Variants in PUS7L observed in about 807,000 individuals in gnomAD.
PUS7L encodes the protein pseudouridine synthase 7 like, also known as pseudouridylate synthase PUS7L.
Under a neutral mutation model 51.1 loss-of-function variants are expected in PUS7L, and 49 were observed. The ratio of observed to expected loss-of-function variants is 0.96; its 90% CI spans 0.76 to 1.22. The LOEUF is 1.22. Ranked by LOEUF, PUS7L falls within the 50% of genes most tolerant of loss-of-function variation. PUS7L has a pLI of 0.00. For synonymous variants in PUS7L, 277 were observed against 276.2 expected (o/e 1.00, Z -0.03); for missense variants, 828 against 820.6 (o/e 1.01, Z -0.11).
At chr12:43,735,244 G>T (rs1944658502) in intron 7 of PUS7L, among the ~76,000 whole-genome samples, 1 of 151,982 alleles carries the variant, frequency 6.6e-6, no homozygotes, top group Non-Finnish European at 1.5e-5. Flanking sequence ...GTGAACCCGG[G>T]AGGCAGAGCT....
chr12:43,755,086 T>C lies in PUS7L; in HGVS notation c.160A>G (p.Ile54Val), dbSNP rs370773456. Residue 54 changes from isoleucine (I) to valine (V), a missense_variant, in exon 2 of 9, where the codon ATT becomes GTT. Physicochemically the swap from Ile to Val is conservative, Grantham distance 29. Coordinates refer to ENST00000344862, the MANE Select transcript of PUS7L (RefSeq NM_031292.5). ...QLVNKTIDEP[I>V]FKISEIQLEP... ...AGTTGTATTTCACTAATCTTGAAAA[T>C]AGGCTCATCGATGGTCTTATTAACT... 53 of 1,613,738 alleles carry C rather than the reference T, an allele frequency of 3.3e-5. No homozygotes were observed. The highest frequency in any genetic ancestry group is 2.7e-4 in the East Asian group (12 of 44,812).
At chr12:43,753,898 A>C (rs1938569967) in intron 2 of PUS7L, among the ~76,000 whole-genome samples, 1 of 152,154 alleles carries the variant, frequency 6.6e-6, no homozygotes, top group Non-Finnish European at 1.5e-5. Context: ...AGGGAAATAT[A>C]ATTTGTTTTG....
At chr12:43,757,484 C>T (rs574225286) in intron 1 of PUS7L, among the ~76,000 whole-genome samples, 1 of 149,664 alleles carries the variant, frequency 6.7e-6, no homozygotes, top group Admixed American at 6.7e-5. Context: ...GATTCTCTTT[C>T]ACAAAACCCT....
At chr12:43,758,590 G>C (rs1486061970) in intron 1 of PUS7L, 140 bp downstream of exon 1, 2 of 979,488 alleles carry the variant, frequency 2.0e-6, no homozygotes, top group Admixed American at 6.6e-5. Context: ...CCAAAGGCAC[G>C]ACACTAGTCC....
At position 43,720,954 on chromosome 12, in the gene PUS7L, G is replaced by T. The variant is rs570076058; in HGVS notation, c.*9422C>A. On this transcript the variant is annotated 3_prime_UTR_variant, in exon 9 of 9. Transcript: ENST00000344862. The stretch of plus-strand genomic sequence containing the variant: ...CATCTATAAAATGAAAATAATAACA[G>T]TACTTATCCCACATGTAAGTACTTG... 186 of 152,178 alleles carry T rather than the reference G, an allele frequency of 1.2e-3. 1 individual carries two copies. Among genetic ancestry groups the T allele is most frequent in the African/African-American group, 4.4e-3 (183 of 41,506 alleles). 9.4% of individuals were successfully genotyped at this position (152,178 alleles called of 1,614,324 possible). A position where few individuals can be genotyped will look rare whatever the true frequency, so the allele number is the denominator to read the frequency against.
chr12:43,758,680 CACA>C, intron 1 of PUS7L, 47 bp downstream of exon 1: 1 of 928,280 alleles, frequency 1.1e-6, no homozygotes, highest in Non-Finnish European at 1.3e-6. Flanking sequence ...CACACACACA[CACA>C]CACACATACA....
chr12:43,725,235 A>T lies in PUS7L; in HGVS notation c.*5141T>A, dbSNP rs1944439135. 1 of 152,184 alleles carries T rather than the reference A, an allele frequency of 6.6e-6. No homozygotes were observed. The highest frequency in any genetic ancestry group is 2.4e-5 in the African/African-American group (1 of 41,452). 9.4% of individuals were successfully genotyped at this position (152,184 alleles called of 1,614,324 possible). On this transcript the variant is annotated 3_prime_UTR_variant, in exon 9 of 9. Coordinates refer to ENST00000344862, the MANE Select transcript of PUS7L (RefSeq NM_031292.5). ...TGATTTTACATATTATTATGATACAAATCCCAAAATACTTTGGGAAAACTC... is the reference window on the plus strand; with the variant it reads ...TGATTTTACATATTATTATGATACATATCCCAAAATACTTTGGGAAAACTC...
In PUS7L at chr12:43,730,520, T is replaced by C. The variant is rs765660293; in HGVS notation, c.1962A>G (p.Gln654=). 1.9e-6 allele frequency: 3 copies of C among 1,613,918 alleles called. No homozygotes were observed. The South Asian group carries it at 3.3e-5, about 18-fold the overall frequency. Residue 654 remains glutamine, a synonymous_variant, in exon 9 of 9, where the codon CAA becomes CAG. Transcript: ENST00000344862. ...CATCAATGTCATGATCTTCCATTAG[T>C]TGGTATGAGAGATTACAGGGATGTT... ...ILKHPCNLSY[Q]LMEDHDIDVK...
In PUS7L at chr12:43,757,423, G is replaced by A. The variant is rs1248077403; in HGVS notation, c.-17+1307C>T. 4.6e-5 allele frequency among the ~76,000 whole-genome samples: 7 copies of A among 152,090 alleles called. No homozygotes were observed. The South Asian group carries it at 6.2e-4, about 14-fold the overall frequency. On this transcript the variant is annotated intron_variant, in intron 1 of 8. Transcript: ENST00000344862. The stretch of plus-strand genomic sequence containing the variant: ...CCTGACCTCGTGATCCACCCGCCTC[G>A]GCCTCCCAAAGTGCTGGGGTTACAG...
chr12:43,754,497 T>C lies in PUS7L; in HGVS notation c.749A>G (p.Asn250Ser), dbSNP rs746814246. The C allele has an allele frequency of 2.4e-5, 39 of 1,613,772 alleles. No homozygotes were observed. The highest frequency in any genetic ancestry group is 3.1e-5 in the Non-Finnish European group (37 of 1,179,872). ...DHRKAVHHFV[N>S]KKFGNLVETK... ...TTCCACAAGGTTTCCAAACTTTTTGTTGACAAAATGGTGGACAGCTTTTCT... is the reference window on the plus strand; with the variant it reads ...TTCCACAAGGTTTCCAAACTTTTTGCTGACAAAATGGTGGACAGCTTTTCT... Residue 250 changes from asparagine (N) to serine (S), a missense_variant, in exon 2 of 9, where the codon AAC (asparagine) becomes AGC (serine). Transcript: ENST00000344862.
In PUS7L at chr12:43,742,453, A is replaced by G. The variant is rs1474792162; in HGVS notation, c.1362+4T>C. ...GATAAGATTACATTTTTCAAAATCC[A>G]TACCATTTCATTCTTCAGCAAAGCT... is the stretch of plus-strand genomic sequence containing the variant. On this transcript the variant is annotated splice_donor_region_variant and intron_variant, in intron 5 of 8. Coordinates refer to ENST00000344862, the MANE Select transcript of PUS7L (RefSeq NM_031292.5). 2 of 1,594,432 alleles carry G rather than the reference A, an allele frequency of 1.3e-6. No individual in the cohort carries two copies. The highest frequency in any genetic ancestry group is 1.1e-5 in the South Asian group (1 of 89,492).
chr12:43,719,489 C>T lies in PUS7L; in HGVS notation c.*10887G>A, dbSNP rs1592150648. On this transcript the variant is annotated 3_prime_UTR_variant, in exon 9 of 9. Transcript: ENST00000344862. ...AGGTGTGGTCTCATAAAGTAAGAAA[C>T]AGGTGGGGGGACTCTTCTTTATTTT... 1 of 151,922 alleles carries T rather than the reference C, an allele frequency of 6.6e-6. No individual in the cohort carries two copies. The highest frequency in any genetic ancestry group is 1.9e-4 in the East Asian group (1 of 5,198). The allele number at this position is 151,922 out of a possible 1,614,324, so 9.4% of individuals were successfully genotyped here.
intron 2 of PUS7L, among the ~76,000 whole-genome samples, chr12:43,753,003 T>A (rs1054667773): frequency 1.3e-5 from 2 of 149,256 alleles, no homozygotes; most frequent in African/African-American, 5.1e-5. Flanking sequence ...AACTAATATA[T>A]AAAGTTCTAT....
At chr12:43,732,645 ATTCTCTCTTCAC>A (rs1565629236) in intron 7 of PUS7L, among the ~76,000 whole-genome samples, 4 of 152,164 alleles carry the variant, frequency 2.6e-5, no homozygotes, top group Admixed American at 6.5e-5. Flanking sequence ...AAAGGCAGCT[ATTCTCTCTTCAC>A]AAGGCTTCAG....
At chr12:43,737,570 G>T (rs1408749389) in intron 6 of PUS7L, among the ~76,000 whole-genome samples, 5 of 150,194 alleles carry the variant, frequency 3.3e-5, no homozygotes, top group African/African-American at 1.2e-4. Flanking sequence ...TTTAAATAAA[G>T]GTAATATTTA....
At position 43,754,359 on chromosome 12, in the gene PUS7L, T is replaced by C. The variant is rs915703201; in HGVS notation, c.887A>G (p.Gln296Arg). The part of the protein sequence containing the change: ...KRGKRPLSEC[Q>R]EGKVIYTAFT... ...ACCTGTATATATAACTTTTCCTTCT[T>C]GGCATTCAGAAAGAGGCCTTTTCCC... The change falls in exon 2 of 9, where the codon CAA becomes CGA. Residue 296 changes from glutamine to arginine, a missense_variant. By Grantham distance (43) the Gln-to-Arg change is conservative. Coordinates refer to ENST00000344862, the MANE Select transcript of PUS7L (RefSeq NM_031292.5). 2 of 1,596,964 alleles carry C rather than the reference T, an allele frequency of 1.3e-6. No homozygotes were observed. The highest frequency in any genetic ancestry group is 2.3e-5 in the South Asian group (2 of 88,190).
intron 7 of PUS7L, among the ~76,000 whole-genome samples, chr12:43,734,659 C>T (rs925211004): frequency 5.3e-5 from 8 of 152,068 alleles, no homozygotes; most frequent in Admixed American, 3.9e-4. Context: ...TCTCTATACT[C>T]CATGATTTTT....
chr12:43,748,727 T>C, intron 2 of PUS7L, 118 bp from the exon 3 acceptor site: 2 of 879,300 alleles, frequency 2.3e-6, no homozygotes, highest in Middle Eastern at 3.6e-4. Context: ...TTTGTTGTTG[T>C]TGTTGTTGTT....
intron 1 of PUS7L, among the ~76,000 whole-genome samples, chr12:43,757,083 G>A (rs1938750731): frequency 6.6e-6 from 1 of 152,090 alleles, no homozygotes; most frequent in Non-Finnish European, 1.5e-5. Context: ...TGTTTAAATT[G>A]TTCCCTCCCC....
Sources: gnomAD v4.1 joint callset for allele counts (sites outside exome capture counted in the v4.1 genomes callset) on GRCh38, gnomAD v4.1.1 for gene constraint, MANE v1.5 for transcripts, NCBI Gene and HGNC (gene_info 2026-07-23, HGNC 2026-07-21) for gene names.